The following KALRN variants were observed in gnomAD, a reference collection of about 807,000 sequenced individuals.
KALRN encodes the protein kalirin.
A neutral mutation model predicts 353.7 loss-of-function variants in KALRN; 70 were observed. That is an observed-to-expected ratio of 0.20 (90% confidence interval 0.16 to 0.24). KALRN has a LOEUF of 0.24. KALRN is among the 10% of genes least tolerant of loss of function. KALRN has a pLI of 1.00. For synonymous variants in KALRN, 1,391 were observed against 1,434.8 expected (o/e 0.97, Z 0.69); for missense variants, 2,791 against 3,756.7 (o/e 0.74, Z 6.72).
chr3:124,537,046 G>C (rs1237603106), intron 33 of KALRN, among the ~76,000 whole-genome samples: 1 of 152,050 alleles, frequency 6.6e-6, no homozygotes, highest in Non-Finnish European at 1.5e-5. Flanking sequence ...TACTCCATAA[G>C]AGAATTTTTT....
intron 6 of KALRN, among the ~76,000 whole-genome samples, chr3:124,323,302 A>G (rs1345952865): frequency 6.6e-6 from 1 of 152,216 alleles, no homozygotes; most frequent in Non-Finnish European, 1.5e-5. Context: ...GAATCCCCAC[A>G]GGGAGTCGCT....
chr3:124,040,172 C>A (rs947408774), intron 1 of KALRN, among the ~76,000 whole-genome samples: 1 of 152,096 alleles, frequency 6.6e-6, no homozygotes, highest in African/African-American at 2.4e-5. Flanking sequence ...TTAGAATAAA[C>A]TGAAGCTACA....
rs1296390484 is a variant in KALRN, at chr3:124,471,388, C to A, written c.4032-3275C>A. 3.3e-5 allele frequency among the ~76,000 whole-genome samples: 5 copies of A among 151,658 alleles called. No individual in the cohort carries two copies. In the East Asian group the frequency reaches 9.8e-4, roughly 30 times the overall value. ...CAACCCTCCGCCTCCCAGGTTCAAG[C>A]GATTCTCCTGCCTCAGCCTCCTGAG... On this transcript the variant is annotated intron_variant, in intron 25 of 59. Coordinates refer to ENST00000682506, the MANE Select transcript of KALRN (RefSeq NM_001388419.1).
At chr3:124,286,417 A>G (rs2075915009) in intron 5 of KALRN, among the ~76,000 whole-genome samples, 2 of 151,622 alleles carry the variant, frequency 1.3e-5, no homozygotes, top group South Asian at 4.2e-4. Flanking sequence ...ACGCCTGGCT[A>G]TATTTTTGTC....
intron 51 of KALRN, among the ~76,000 whole-genome samples, chr3:124,682,579 A>G (rs1177096786): frequency 6.6e-6 from 1 of 152,146 alleles, no homozygotes; most frequent in East Asian, 1.9e-4. Flanking sequence ...TCACCAAAAC[A>G]TTCTTTACTT....
chr3:124,194,929 T>C (rs1336660917), intron 1 of KALRN, among the ~76,000 whole-genome samples: 1 of 152,166 alleles, frequency 6.6e-6, no homozygotes, highest in Non-Finnish European at 1.5e-5. Context: ...TCTGAGCTGG[T>C]AGACCTGAGT....
At chr3:124,580,121 G>A (rs2074479602) in intron 34 of KALRN, among the ~76,000 whole-genome samples, 1 of 152,200 alleles carries the variant, frequency 6.6e-6, no homozygotes. Flanking sequence ...GGAACTCATA[G>A]CAATGCAAAT....
chr3:124,234,791 G>A (rs1354923233), intron 2 of KALRN, 38 bp from the exon 3 acceptor site: 1 of 1,472,982 alleles, frequency 6.8e-7, no homozygotes, highest in East Asian at 2.4e-5. Flanking sequence ...CTTTCTGACT[G>A]GTTTTCTTAA....
chr3:124,446,872 G>C lies in KALRN; in HGVS notation c.3539G>C (p.Arg1180Thr). 1 of 1,614,020 alleles carries C rather than the reference G, an allele frequency of 6.2e-7. No homozygotes were observed. Among genetic ancestry groups the C allele is most frequent in the Non-Finnish European group, 8.5e-7 (1 of 1,179,954 alleles). ...CTGCTGAAAGAATATGGGGAATTCA[G>C]GGTGCCTGCCAAGGTAGGAAACATC... Reference protein sequence around the residue: ...QELLKEYGEFRVPAKQTKEKV... With the variant: ...QELLKEYGEFTVPAKQTKEKV... Residue 1180 changes from arginine to threonine, a missense_variant, in exon 21 of 60, where the codon AGG becomes ACG. Around this residue, in one of 11 missense-constraint regions of KALRN, gnomAD observed 268 missense variants for 347.0 expected, o/e 0.77. Transcript: ENST00000682506.
intron 1 of KALRN, among the ~76,000 whole-genome samples, chr3:124,139,507 C>T (rs2066356308): frequency 6.6e-6 from 1 of 152,180 alleles, no homozygotes; most frequent in Non-Finnish European, 1.5e-5. Context: ...TAAACCACTA[C>T]TTTCTGCTTT....
chr3:124,182,817 G>A lies in KALRN; in HGVS notation c.74-45173G>A, dbSNP rs181459354. 7.9e-5 allele frequency among the ~76,000 whole-genome samples: 12 copies of A among 152,270 alleles called. No homozygotes were observed. The East Asian group carries it at 2.3e-3, about 29-fold the overall frequency. On this transcript the variant is annotated intron_variant, in intron 1 of 59. Coordinates refer to ENST00000682506, the MANE Select transcript of KALRN (RefSeq NM_001388419.1). Reference sequence around the variant, plus strand: ...CCTGAAAGATGTGCTTTATGCCTGGGTTCCAAGTGCTCCTTATCTATGCTG... The same window carrying A: ...CCTGAAAGATGTGCTTTATGCCTGGATTCCAAGTGCTCCTTATCTATGCTG...
At chr3:124,460,653 A>G (rs892061542) in intron 23 of KALRN, among the ~76,000 whole-genome samples, 1 of 152,174 alleles carries the variant, frequency 6.6e-6, no homozygotes, top group Non-Finnish European at 1.5e-5. Flanking sequence ...CTGTGTGATC[A>G]GCTATTTTAT....
rs887308560 is a variant in KALRN at position 124,202,583 on chromosome 3, T to C, written c.74-25407T>C. ...TTTTTTAATGAGAAGTCGGGTAACC[T>C]AATTTTCTTTGAACCCTCCCTCCTC... On this transcript the variant is annotated intron_variant, in intron 1 of 59. Coordinates refer to ENST00000682506, the MANE Select transcript of KALRN (RefSeq NM_001388419.1). Among the ~76,000 whole-genome samples the C allele has an allele frequency of 7.2e-5, 11 of 152,236 alleles. No homozygotes were observed. In the South Asian group the frequency reaches 2.3e-3, roughly 32 times the overall value.
In KALRN at chr3:124,558,570, C is replaced by T. The variant is rs182551921; in HGVS notation, c.4936-4273C>T. Among the ~76,000 whole-genome samples, 305 of 152,354 alleles carry T rather than the reference C, an allele frequency of 2.0e-3. 1 individual carries two copies. The highest frequency in any genetic ancestry group is 3.6e-3 in the African/African-American group (149 of 41,574). On this transcript the variant is annotated intron_variant, in intron 33 of 59. Transcript: ENST00000682506. ...CTGGGATTACAGTCACGAGCCACTG[C>T]GCCCAGCCCAGAACTTATTTTTTAG...
chr3:124,544,470 A>G (rs1240067298), intron 33 of KALRN, among the ~76,000 whole-genome samples: 2 of 152,192 alleles, frequency 1.3e-5, no homozygotes, highest in African/African-American at 2.4e-5. Flanking sequence ...CTGAGACAGG[A>G]GAATCACTTG....
intron 34 of KALRN, among the ~76,000 whole-genome samples, chr3:124,610,465 G>C (rs1013308279): frequency 1.3e-4 from 20 of 152,188 alleles, no homozygotes; most frequent in African/African-American, 4.8e-4. Flanking sequence ...GCTCTGGGGG[G>C]ACAAGGGGTT....
intron 1 of KALRN, among the ~76,000 whole-genome samples, chr3:124,088,415 G>A (rs1245802325): frequency 1.3e-5 from 2 of 152,168 alleles, no homozygotes; most frequent in Non-Finnish European, 2.9e-5. Context: ...GGAATCATAA[G>A]CTCTAAGAAT....
At chr3:124,350,956 C>T (rs2149588507) in intron 10 of KALRN, among the ~76,000 whole-genome samples, 1 of 152,242 alleles carries the variant, frequency 6.6e-6, no homozygotes, top group African/African-American at 2.4e-5. Flanking sequence ...TCCTTCATCA[C>T]CACTCTGGGA....
intron 5 of KALRN, among the ~76,000 whole-genome samples, chr3:124,296,792 C>T (rs1033018301): frequency 2.0e-5 from 3 of 152,256 alleles, no homozygotes; most frequent in African/African-American, 7.2e-5. Flanking sequence ...CCAGTTCTGT[C>T]GCTTTGCCTG....
Sources: gnomAD v4.1 joint callset for allele counts (sites outside exome capture counted in the v4.1 genomes callset) on GRCh38, gnomAD v4.1.1 for gene constraint, gnomAD v4.1.1 regional missense constraint, MANE v1.5 for transcripts, NCBI Gene and HGNC (gene_info 2026-07-23, HGNC 2026-07-21) for gene names.